Variants in COBL observed in about 807,000 individuals in gnomAD.
The protein encoded by COBL is cordon-bleu WH2 repeat protein.
Under a neutral mutation model 98.8 loss-of-function variants are expected in COBL, and 51 were observed. That is an observed-to-expected ratio of 0.52 (90% CI 0.41 to 0.65). The LOEUF is 0.65. Among genes scored for constraint, COBL ranks in the 30% least tolerant of loss-of-function variants. COBL has a pLI of 0.00. For synonymous variants in COBL, 634 were observed against 651.7 expected, an observed-to-expected ratio of 0.97 and a Z score of 0.41; for missense variants, 1,617 against 1,617.5, an observed-to-expected ratio of 1.00 and a Z score of 0.01.
At chr7:51,162,865 C>G (rs1385534122) in intron 5 of COBL, among the ~76,000 whole-genome samples, 1 of 152,246 alleles carries the variant, frequency 6.6e-6, no homozygotes, top group Non-Finnish European at 1.5e-5. Context: ...TGACTTGAAG[C>G]TGAAGCTGTT....
At chr7:51,271,816 G>C (rs754932865) in intron 1 of COBL, among the ~76,000 whole-genome samples, 1 of 152,188 alleles carries the variant, frequency 6.6e-6, no homozygotes, top group Non-Finnish European at 1.5e-5. Context: ...GATCACTTGA[G>C]GTCAGGAGTT....
chr7:51,188,236 G>C (rs1251849797), intron 4 of COBL, among the ~76,000 whole-genome samples: 4 of 152,244 alleles, frequency 2.6e-5, no homozygotes, highest in Non-Finnish European at 5.9e-5. Flanking sequence ...CCTCTGCGTA[G>C]CAATGCCTCA....
At chr7:51,061,946 T>TACACACAC (rs1395412693) in intron 7 of COBL, among the ~76,000 whole-genome samples, 5,601 of 96,020 alleles carry the variant, frequency 0.058, 264 homozygotes, top group East Asian at 0.17. Context: ...CTCCCCACCA[T>TACACACAC]AGATACACAC....
At chr7:51,022,191 G>C (rs550941130) in intron 12 of COBL, among the ~76,000 whole-genome samples, 1 of 152,078 alleles carries the variant, frequency 6.6e-6, no homozygotes, top group African/African-American at 2.4e-5. Flanking sequence ...CTTTCAGCCC[G>C]GGAGCATCTT....
chr7:51,075,436 T>G (rs535882221), intron 7 of COBL, among the ~76,000 whole-genome samples: 1 of 152,322 alleles, frequency 6.6e-6, no homozygotes, highest in South Asian at 2.1e-4. Flanking sequence ...ATCCTACAGA[T>G]CCGATACATG....
intron 4 of COBL, among the ~76,000 whole-genome samples, chr7:51,189,527 A>C (rs1789891360): frequency 1.3e-5 from 2 of 152,078 alleles, no homozygotes; most frequent in African/African-American, 4.8e-5. Flanking sequence ...CCAGCTACTC[A>C]GGAGGCTGAG....
intron 7 of COBL, among the ~76,000 whole-genome samples, chr7:51,066,146 G>A (rs1030976114): frequency 9.2e-5 from 14 of 152,228 alleles, no homozygotes; most frequent in African/African-American, 3.4e-4. Context: ...GACAGTGTCT[G>A]TGGCTTGACA....
intron 6 of COBL, among the ~76,000 whole-genome samples, chr7:51,110,314 T>C (rs924006096): frequency 2.0e-5 from 3 of 152,194 alleles, no homozygotes; most frequent in Non-Finnish European, 2.9e-5. Context: ...TCTACCTTCA[T>C]GAGATCCACT....
intron 6 of COBL, among the ~76,000 whole-genome samples, chr7:51,130,785 A>C (rs1490264696): frequency 2.0e-5 from 3 of 152,192 alleles, no homozygotes; most frequent in Non-Finnish European, 2.9e-5. Context: ...TAGTTTTATC[A>C]CTTCCTGTAT....
chr7:51,290,556 G>A (rs918884830), intron 1 of COBL, among the ~76,000 whole-genome samples: 3 of 152,140 alleles, frequency 2.0e-5, no homozygotes, highest in Non-Finnish European at 4.4e-5. Context: ...CAAAGGGTGC[G>A]TGAAAGATGT....
At chr7:51,288,468 T>G (rs1584412195) in intron 1 of COBL, among the ~76,000 whole-genome samples, 1 of 117,476 alleles carries the variant, frequency 8.5e-6, no homozygotes, top group East Asian at 2.5e-4. Context: ...ATAATGAAAA[T>G]GGGGCTGGGC....
At chr7:51,175,340 G>A (rs995072667) in intron 5 of COBL, among the ~76,000 whole-genome samples, 1 of 152,220 alleles carries the variant, frequency 6.6e-6, no homozygotes, top group Non-Finnish European at 1.5e-5. Flanking sequence ...ATGAACGTGA[G>A]TTCTCTCACC....
rs143487955 is a variant in COBL at position 51,058,794 on chromosome 7, A to G, written c.1097-15102T>C. Among the ~76,000 whole-genome samples, 508 of 152,366 alleles carry G rather than the reference A, an allele frequency of 3.3e-3. 2 individuals are homozygous for G. The highest frequency in any genetic ancestry group is 0.011 in the African/African-American group (442 of 41,596). ...CCGGAGCCTCTGAGCGTGGGCTGTT[A>G]GAGCGAGTCTGATTGCTGAGATTCC... On this transcript the variant is annotated intron_variant, in intron 7 of 12. Coordinates refer to ENST00000265136, the MANE Select transcript of COBL (RefSeq NM_015198.5).
In COBL at chr7:51,030,765, AC is replaced by A. The variant is rs778959314; in HGVS notation, c.1504+46del. 4.1e-6 allele frequency: 5 copies of A among 1,221,154 alleles called. No individual in the cohort carries two copies. In the African/African-American group the frequency reaches 7.5e-5, roughly 18 times the overall value. 75.6% of individuals were successfully genotyped at this position (1,221,154 alleles called of 1,614,324 possible). ...TCAGAGGAAGTTACTGTTGGCACCT[AC>A]TTTCATGCAGCATAATATCAGAGTA... On this transcript the variant is annotated intron_variant, in intron 9 of 12. Coordinates refer to ENST00000265136, the MANE Select transcript of COBL (RefSeq NM_015198.5).
chr7:51,073,150 C>T (rs992192804), intron 7 of COBL: 9 of 398,828 alleles, frequency 2.3e-5, no homozygotes, highest in Non-Finnish European at 3.1e-5. Flanking sequence ...TAATTTACCT[C>T]CTTCAAAAAA....
intron 7 of COBL, 104 bp from the exon 8 acceptor site, chr7:51,043,796 T>C: frequency 1.1e-6 from 1 of 932,088 alleles, no homozygotes; most frequent in Non-Finnish European, 1.6e-6. Context: ...AAATTTGGGA[T>C]TCAGGGTGCT....
At chr7:51,096,483 T>C (rs187758583) in intron 6 of COBL, among the ~76,000 whole-genome samples, 1 of 151,824 alleles carries the variant, frequency 6.6e-6, no homozygotes, top group Admixed American at 6.6e-5. Flanking sequence ...TAAACCAACA[T>C]TTAATAGAAA....
chr7:51,039,217 T>G (rs555110736), intron 8 of COBL, among the ~76,000 whole-genome samples: 1 of 152,332 alleles, frequency 6.6e-6, no homozygotes, highest in East Asian at 1.9e-4. Flanking sequence ...TCTTTGCTAT[T>G]GTTTCTCTCA....
chr7:51,244,910 A>G (rs371412002), intron 1 of COBL, among the ~76,000 whole-genome samples: 2 of 152,184 alleles, frequency 1.3e-5, no homozygotes, highest in African/African-American at 4.8e-5. Context: ...CTAAGCTCAC[A>G]TCTCTTCTAA....
Sources: gnomAD v4.1 joint callset for allele counts (sites outside exome capture counted in the v4.1 genomes callset) on GRCh38, gnomAD v4.1.1 for gene constraint, MANE v1.5 for transcripts, NCBI Gene and HGNC (gene_info 2026-07-23, HGNC 2026-07-21) for gene names.